CRIM1: variants seen among roughly 807,000 people sequenced by gnomAD.
CRIM1 encodes the protein cysteine rich transmembrane BMP regulator 1.
A neutral mutation model predicts 116.4 loss-of-function variants in CRIM1; 32 were observed. That is an observed-to-expected ratio of 0.27 (90% CI 0.21 to 0.37). The LOEUF is 0.37. CRIM1 is among the 10% of genes least tolerant of loss of function. CRIM1 has a pLI of 1.00. For synonymous variants in CRIM1, 590 were observed against 509.2 expected, an observed-to-expected ratio of 1.16 and a Z score of -2.13; for missense variants, 1,331 against 1,354.8, an observed-to-expected ratio of 0.98 and a Z score of 0.28.
chr2:36,418,140 T>C (rs1673764746), intron 2 of CRIM1, among the ~76,000 whole-genome samples: 1 of 152,142 alleles, frequency 6.6e-6, no homozygotes, highest in Non-Finnish European at 1.5e-5. Flanking sequence ...AAGTAAGAGC[T>C]CAAGGAGGAG....
intron 8 of CRIM1, among the ~76,000 whole-genome samples, chr2:36,507,764 GAC>G (rs961276757): frequency 9.2e-5 from 14 of 152,302 alleles, no homozygotes; most frequent in Non-Finnish European, 1.5e-4. Flanking sequence ...CTTGAATGGA[GAC>G]ACAACAGTTT....
chr2:36,381,867 G>T (rs1670802604), intron 1 of CRIM1, among the ~76,000 whole-genome samples: 2 of 152,226 alleles, frequency 1.3e-5, no homozygotes, highest in African/African-American at 2.4e-5. Flanking sequence ...AACATGCTCA[G>T]CCTTGGCAAA....
chr2:36,397,885 T>C (rs1572641746), intron 2 of CRIM1, among the ~76,000 whole-genome samples: 1 of 152,202 alleles, frequency 6.6e-6, no homozygotes, highest in African/African-American at 2.4e-5. Context: ...GTCCAGTCCT[T>C]GAACTTGAAC....
chr2:36,549,983 A>C lies in CRIM1; in HGVS notation c.*1282A>C, dbSNP rs2125206941. The C allele has an allele frequency of 6.6e-6, 1 of 152,598 alleles. No homozygotes were observed. Among genetic ancestry groups the C allele is most frequent in the Admixed American group, 6.5e-5 (1 of 15,268 alleles). 9.5% of individuals were successfully genotyped at this position (152,598 alleles called of 1,614,324 possible). A position where few individuals can be genotyped will look rare whatever the true frequency, so the allele number is the denominator to read the frequency against. ...TGATCACTTACAAATTTTTTGAATA[A>C]CACAAAATCTCATTCTACCTGCAGT... On this transcript the variant is annotated 3_prime_UTR_variant, in exon 17 of 17. Coordinates refer to ENST00000280527, the MANE Select transcript of CRIM1 (RefSeq NM_016441.3).
At position 36,435,926 on chromosome 2, in the gene CRIM1, T is replaced by G. The variant is rs928094711; in HGVS notation, c.506-5332T>G. Among the ~76,000 whole-genome samples the G allele has an allele frequency of 5.1e-3, 36 of 7,040 alleles. No individual in the cohort carries two copies. In the Admixed American group the frequency reaches 0.066, roughly 13 times the overall value. The allele number at this position is 7,040 out of a possible 152,430, so 4.6% of individuals were successfully genotyped here. On this transcript the variant is annotated intron_variant, in intron 2 of 16. Coordinates refer to ENST00000280527, the MANE Select transcript of CRIM1 (RefSeq NM_016441.3). ...TTGGTCTTTCTATATCTGGGCAGGC[T>G]TTTTTTTTTTTTAATGTCTGTTGCA...
Position 36,550,101 on chromosome 2 carries a change from C to T in CRIM1, c.*1400C>T, listed in dbSNP as rs1460993105. Reference sequence around the variant, plus strand: ...CGCACGCCTTGAGCAGTCAGCATTGCACCTGCTATGGAGAAGGGTATTCCT... The same window carrying T: ...CGCACGCCTTGAGCAGTCAGCATTGTACCTGCTATGGAGAAGGGTATTCCT... On this transcript the variant is annotated 3_prime_UTR_variant, in exon 17 of 17. Transcript: ENST00000280527. 1 of 152,464 alleles carries T rather than the reference C, an allele frequency of 6.6e-6. No individual in the cohort carries two copies. The highest frequency in any genetic ancestry group is 2.4e-5 in the African/African-American group (1 of 41,382). The allele number at this position is 152,464 out of a possible 1,614,324, so 9.4% of individuals were successfully genotyped here.
intron 8 of CRIM1, 71 bp downstream of exon 8, chr2:36,499,418 G>C: frequency 6.8e-7 from 1 of 1,480,308 alleles, no homozygotes; most frequent in Non-Finnish European, 9.3e-7. Context: ...TTATGTAATT[G>C]AATATCTTTT....
intron 5 of CRIM1, among the ~76,000 whole-genome samples, chr2:36,470,748 T>C (rs2125023592): frequency 6.6e-6 from 1 of 152,338 alleles, no homozygotes; most frequent in South Asian, 2.1e-4. Context: ...CTGCAGCCCA[T>C]GGACCAAGGA....
At chr2:36,441,972 A>G (rs753758562) in intron 3 of CRIM1, among the ~76,000 whole-genome samples, 4 of 152,202 alleles carry the variant, frequency 2.6e-5, no homozygotes, top group African/African-American at 7.2e-5. Context: ...CTCAGCCCCA[A>G]TCTTTCTCTT....
chr2:36,424,789 A>G (rs542581461), intron 2 of CRIM1, among the ~76,000 whole-genome samples: 12 of 152,276 alleles, frequency 7.9e-5, no homozygotes, highest in Non-Finnish European at 1.5e-4. Context: ...ATGAGCCTCA[A>G]TGGATATCTC....
At chr2:36,495,620 C>T (rs1426128867) in intron 7 of CRIM1, among the ~76,000 whole-genome samples, 3 of 151,330 alleles carry the variant, frequency 2.0e-5, no homozygotes, top group African/African-American at 4.9e-5. Flanking sequence ...GGTCATTATT[C>T]TTTAAGAACT....
chr2:36,435,627 T>C (rs915419194), intron 2 of CRIM1, among the ~76,000 whole-genome samples: 1 of 151,932 alleles, frequency 6.6e-6, no homozygotes, highest in African/African-American at 2.4e-5. Flanking sequence ...ATCGCAGTTT[T>C]TGTCATTACT....
chr2:36,359,358 C>T (rs1255965294), intron 1 of CRIM1, among the ~76,000 whole-genome samples: 1 of 152,202 alleles, frequency 6.6e-6, no homozygotes, highest in Non-Finnish European at 1.5e-5. Flanking sequence ...AAATTATATT[C>T]TCTGTTTGCC....
intron 1 of CRIM1, among the ~76,000 whole-genome samples, chr2:36,362,373 G>A (rs879305937): frequency 6.6e-6 from 1 of 152,218 alleles, no homozygotes; most frequent in Non-Finnish European, 1.5e-5. Context: ...TCTTTTGGCA[G>A]GGGAGGTGAT....
chr2:36,387,905 C>T (rs1367505155), intron 1 of CRIM1, among the ~76,000 whole-genome samples: 6 of 147,276 alleles, frequency 4.1e-5, no homozygotes, highest in Admixed American at 4.0e-4. Flanking sequence ...CTCCTTGATT[C>T]TTTGGACTTA....
intron 5 of CRIM1, among the ~76,000 whole-genome samples, chr2:36,466,595 C>G (rs1207938576): frequency 1.3e-5 from 2 of 152,244 alleles, no homozygotes; most frequent in South Asian, 2.1e-4. Flanking sequence ...ATGCCTGTCT[C>G]TCACTCCAAA....
At chr2:36,512,212 G>A in intron 9 of CRIM1, 61 bp from the exon 10 acceptor site, 1 of 1,586,050 alleles carries the variant, frequency 6.3e-7, no homozygotes, top group Non-Finnish European at 8.6e-7. Context: ...TGGTCTGAGT[G>A]CTTGGGCATC....
At chr2:36,427,946 C>A (rs545225324) in intron 2 of CRIM1, among the ~76,000 whole-genome samples, 1 of 152,350 alleles carries the variant, frequency 6.6e-6, no homozygotes, top group East Asian at 1.9e-4. Context: ...TGTCCTATGA[C>A]TAAAGGTTGC....
chr2:36,459,429 A>G (rs540261180), intron 4 of CRIM1, among the ~76,000 whole-genome samples: 2 of 152,310 alleles, frequency 1.3e-5, no homozygotes, highest in South Asian at 2.1e-4. Flanking sequence ...TCCATGAAAA[A>G]GTTTATTTCA....
Sources: allele counts gnomAD v4.1 joint callset (sites outside exome capture counted in the v4.1 genomes callset), GRCh38; gene constraint gnomAD v4.1.1; transcripts MANE v1.5; gene names NCBI Gene and HGNC (gene_info 2026-07-23, HGNC 2026-07-21).